The following CLRN1 variants were observed in gnomAD, a reference collection of about 807,000 sequenced individuals.
CLRN1 encodes the protein clarin 1, also known as clarin-1.
CLRN1 carries 15 observed loss-of-function variants against 18.7 expected under a neutral mutation model. That is an observed-to-expected ratio of 0.80 (90% CI 0.54 to 1.23). The LOEUF (loss-of-function observed/expected upper bound fraction) is 1.23, where lower values mean the gene tolerates loss of function less well. CLRN1 is among the 50% of genes most tolerant of loss of function. CLRN1 has a pLI of 0.00. For synonymous variants in CLRN1, 104 were observed against 102.9 expected, an observed-to-expected ratio of 1.01 and a Z score of -0.07; for missense variants, 311 against 277.5, an observed-to-expected ratio of 1.12 and a Z score of -0.86.
chr3:150,952,615 G>T (rs1447627769), intron 1 of CLRN1, among the ~76,000 whole-genome samples: 3 of 152,134 alleles, frequency 2.0e-5, no homozygotes, highest in African/African-American at 7.2e-5. Flanking sequence ...TATTGACTTG[G>T]TTTTTACTAG....
chr3:150,941,384 T>C (rs1713831265), intron 2 of CLRN1, 198 bp downstream of exon 2: 10 of 579,788 alleles, frequency 1.7e-5, no homozygotes, highest in Non-Finnish European at 3.0e-6. Flanking sequence ...CAGTTATTCA[T>C]ATAGATGTCC....
intron 2 of CLRN1, among the ~76,000 whole-genome samples, chr3:150,940,977 T>G (rs953198683): frequency 6.6e-6 from 1 of 152,134 alleles, no homozygotes; most frequent in Non-Finnish European, 1.5e-5. Flanking sequence ...TACTCTTTTT[T>G]GATGCCATTT....
intron 2 of CLRN1, among the ~76,000 whole-genome samples, chr3:150,933,210 G>T (rs1007857447): frequency 6.6e-6 from 1 of 152,032 alleles, no homozygotes; most frequent in African/African-American, 2.4e-5. Context: ...GGGAACTGGG[G>T]GTACAGCACT....
At chr3:150,972,772 G>A (rs1715617149), upstream of CLRN1, 2 of 1,610,010 alleles carry the variant, frequency 1.2e-6, no homozygotes, top group East Asian at 4.5e-5. Context: ...AATGGGAAGG[G>A]ACTGCCTCTT....
chr3:150,926,749 G>A lies in CLRN1; in HGVS notation c.*1187C>T. ...GAGGGCTGCTGAGTACTCAGCACCTGTGGTCAGAGGCCTAGTGATCTGTTT... is the reference window on the plus strand; with the variant it reads ...GAGGGCTGCTGAGTACTCAGCACCTATGGTCAGAGGCCTAGTGATCTGTTT... On this transcript the variant is annotated 3_prime_UTR_variant, in exon 3 of 3. Coordinates refer to ENST00000327047, the MANE Select transcript of CLRN1 (RefSeq NM_174878.3). 1.3e-6 allele frequency: 2 copies of A among 1,594,218 alleles called. No homozygotes were observed. Among genetic ancestry groups the A allele is most frequent in the Middle Eastern group, 1.9e-4 (1 of 5,162 alleles).
intron 2 of CLRN1, among the ~76,000 whole-genome samples, chr3:150,934,018 G>A (rs1467390250): frequency 6.6e-6 from 1 of 152,178 alleles, no homozygotes; most frequent in East Asian, 1.9e-4. Flanking sequence ...AGGCTCTGCG[G>A]CTTTGATGAC....
intron 1 of CLRN1, among the ~76,000 whole-genome samples, chr3:150,966,340 G>C (rs1715263487): frequency 6.6e-6 from 1 of 152,158 alleles, no homozygotes; most frequent in Non-Finnish European, 1.5e-5. Context: ...AATACTCTTG[G>C]AGTGTTAAAC....
chr3:150,929,539 A>G (rs9857891), intron 2 of CLRN1, among the ~76,000 whole-genome samples: 91,850 of 152,126 alleles, frequency 0.6, 29,314 homozygotes, highest in Non-Finnish European at 0.7. Context: ...AGGCAATTTT[A>G]ATATTCAGGT....
At chr3:150,967,150 C>T (rs1715300240) in intron 1 of CLRN1, among the ~76,000 whole-genome samples, 1 of 152,070 alleles carries the variant, frequency 6.6e-6, no homozygotes, top group African/African-American at 2.4e-5. Context: ...TGTCTGAGGC[C>T]CTGGTTTGAA....
In CLRN1 at chr3:150,969,473, C is replaced by T. The variant is rs1715430851; in HGVS notation, c.253+2983G>A. ...TCCCAAGTAGCTGGGACTACAGGCG[C>T]CCCCGCCACGCCCGGCTAATTTTTT... On this transcript the variant is annotated intron_variant, in intron 1 of 2. Coordinates refer to ENST00000327047, the MANE Select transcript of CLRN1 (RefSeq NM_174878.3). Among the ~76,000 whole-genome samples, 3 of 150,550 alleles carry T rather than the reference C, an allele frequency of 2.0e-5. No homozygotes were observed. In the South Asian group the frequency reaches 6.3e-4, roughly 32 times the overall value.
At chr3:150,948,140 G>A (rs1219919290) in intron 1 of CLRN1, among the ~76,000 whole-genome samples, 1 of 152,018 alleles carries the variant, frequency 6.6e-6, no homozygotes, top group Non-Finnish European at 1.5e-5. Context: ...AAGATAGATA[G>A]GCCACTAGCT....
intron 1 of CLRN1, 84 bp from the exon 2 acceptor site, chr3:150,941,845 T>G: frequency 1.6e-6 from 2 of 1,248,994 alleles, no homozygotes; most frequent in Non-Finnish European, 2.3e-6. Context: ...AATCTCTCTT[T>G]TTTAATTTCA....
intron 1 of CLRN1, among the ~76,000 whole-genome samples, chr3:150,954,602 G>A (rs1714648681): frequency 1.3e-5 from 2 of 152,180 alleles, no homozygotes; most frequent in South Asian, 4.1e-4. Context: ...TTGAAGAGTA[G>A]TTCTTATTTT....
At chr3:150,928,312 T>C in intron 2 of CLRN1, 111 bp from the exon 3 acceptor site, 1 of 1,313,254 alleles carries the variant, frequency 7.6e-7, no homozygotes, top group Non-Finnish European at 1.1e-6. Flanking sequence ...CCCATTGACA[T>C]TATCCACACA....
At chr3:150,942,635 A>G (rs1056591206) in intron 1 of CLRN1, 2 of 454,094 alleles carry the variant, frequency 4.4e-6, no homozygotes, top group Admixed American at 2.4e-5. Flanking sequence ...CACAGAGCTT[A>G]TAACCTAATG....
At chr3:150,949,953 C>T (rs1433684721) in intron 1 of CLRN1, among the ~76,000 whole-genome samples, 1 of 152,078 alleles carries the variant, frequency 6.6e-6, no homozygotes, top group Non-Finnish European at 1.5e-5. Context: ...GGTACTGGTA[C>T]AAAAACAGGC....
intron 1 of CLRN1, among the ~76,000 whole-genome samples, chr3:150,956,095 C>G (rs1219275410): frequency 6.6e-6 from 1 of 152,098 alleles, no homozygotes; most frequent in Non-Finnish European, 1.5e-5. Context: ...CAAACGGATG[C>G]CCTGCAATCT....
intron 2 of CLRN1, 89 bp downstream of exon 2, chr3:150,941,493 G>C: frequency 1.5e-6 from 2 of 1,327,696 alleles, no homozygotes; most frequent in Non-Finnish European, 2.1e-6. Flanking sequence ...ATGTATATAT[G>C]TTAAGATTAT....
At position 150,927,365 on chromosome 3, in the gene CLRN1, T is replaced by G. The variant is rs1188641543; in HGVS notation, c.*571A>C. ...AACTCGAACTCCTGAACTCAAATGA[T>G]CTTCCCACCTTGGCCTCCTGAAGTG... is the stretch of plus-strand genomic sequence containing the variant. On this transcript the variant is annotated 3_prime_UTR_variant, in exon 3 of 3. Transcript: ENST00000327047. The G allele has an allele frequency of 2.3e-6, 1 of 435,200 alleles. No individual in the cohort carries two copies. The highest frequency in any genetic ancestry group is 2.5e-5 in the Admixed American group (1 of 40,344). The allele number at this position is 435,200 out of a possible 1,614,324, so 27.0% of individuals were successfully genotyped here.
Sources: gnomAD v4.1 joint callset for allele counts (sites outside exome capture counted in the v4.1 genomes callset) on GRCh38, gnomAD v4.1.1 for gene constraint, MANE v1.5 for transcripts, NCBI Gene and HGNC (gene_info 2026-07-23, HGNC 2026-07-21) for gene names.